The following GPC5 variants were observed in gnomAD, a reference collection of about 807,000 sequenced individuals.
GPC5 encodes the protein glypican 5.
Under a neutral mutation model 53.9 loss-of-function variants are expected in GPC5, and 47 were observed. The observed-to-expected ratio is 0.87, with a 90% confidence interval of 0.69 to 1.11. GPC5 has a LOEUF of 1.11. GPC5 is among the 50% of genes most tolerant of loss of function. The probability of loss-of-function intolerance (pLI) is 0.00; values close to 1 mark genes in which losing one functional copy is unlikely to be tolerated. For missense variants in GPC5, 748 were observed against 713.1 expected, an observed-to-expected ratio of 1.05 and a Z score of -0.56; for synonymous variants, 286 against 263.3, an observed-to-expected ratio of 1.09 and a Z score of -0.84.
rs112153969 is a variant in GPC5 at position 91,621,603 on chromosome 13, T to C, written c.326-71584T>C. 8.2e-3 allele frequency among the ~76,000 whole-genome samples: 1,251 copies of C among 151,950 alleles called. 13 individuals are homozygous for C. The highest frequency in any genetic ancestry group is 0.027 in the African/African-American group (1,130 of 41,382). ...TTGGTAAGGGAGTGCCTACCTAAGA[T>C]GGAGTCAACCAAAAAGAGAGTAAAA... On this transcript the variant is annotated intron_variant, in intron 2 of 7. Coordinates refer to ENST00000377067, the MANE Select transcript of GPC5 (RefSeq NM_004466.6).
chr13:92,334,269 G>A (rs1330162154), intron 7 of GPC5, among the ~76,000 whole-genome samples: 1 of 152,166 alleles, frequency 6.6e-6, no homozygotes, highest in Non-Finnish European at 1.5e-5. Context: ...CATGGCAGCA[G>A]GCAAGAGAGC....
chr13:91,412,688 A>C (rs1464435602), intron 1 of GPC5, among the ~76,000 whole-genome samples: 6 of 152,246 alleles, frequency 3.9e-5, no homozygotes, highest in Non-Finnish European at 7.3e-5. Context: ...GATTAGAAAT[A>C]CAAATATCTA....
At chr13:91,937,412 C>T (rs930273984) in intron 6 of GPC5, among the ~76,000 whole-genome samples, 10 of 152,010 alleles carry the variant, frequency 6.6e-5, no homozygotes, top group Middle Eastern at 3.4e-3. Flanking sequence ...TACAGAAGAG[C>T]GAGTTGGAGG....
At chr13:92,113,285 T>C (rs963192946) in intron 6 of GPC5, among the ~76,000 whole-genome samples, 5 of 152,168 alleles carry the variant, frequency 3.3e-5, no homozygotes, top group African/African-American at 1.2e-4. Flanking sequence ...TTATCTACCA[T>C]CAAGGTTTGC....
At position 92,824,742 on chromosome 13, in the gene GPC5, C is replaced by G. The variant is rs564790452; in HGVS notation, c.1562-41540C>G. On this transcript the variant is annotated intron_variant, in intron 7 of 7. Transcript: ENST00000377067. The stretch of plus-strand genomic sequence containing the variant: ...ATGCCTTTTGAAAAAAAAAACTTCT[C>G]ATCTTACAGCATAATATGTATATAC... 6.6e-5 allele frequency among the ~76,000 whole-genome samples: 10 copies of G among 150,878 alleles called. No individual in the cohort carries two copies. In the South Asian group the frequency reaches 2.1e-3, roughly 31 times the overall value.
intron 6 of GPC5, among the ~76,000 whole-genome samples, chr13:91,967,232 A>T (rs1045031392): frequency 6.6e-6 from 1 of 152,130 alleles, no homozygotes; most frequent in Admixed American, 6.5e-5. Context: ...TGAGAACAGT[A>T]AAGAGAAAAC....
chr13:91,491,824 T>C (rs1280514632), intron 2 of GPC5, among the ~76,000 whole-genome samples: 1 of 152,186 alleles, frequency 6.6e-6, no homozygotes, highest in East Asian at 1.9e-4. Flanking sequence ...ACCTTGGTAA[T>C]CCAGGATGTT....
intron 2 of GPC5, among the ~76,000 whole-genome samples, chr13:91,520,686 G>A (rs1468653610): frequency 6.6e-6 from 1 of 151,558 alleles, no homozygotes; most frequent in Non-Finnish European, 1.5e-5. Context: ...GTATATATAT[G>A]TGTGTATATA....
At chr13:92,329,712 T>C (rs556127214) in intron 7 of GPC5, among the ~76,000 whole-genome samples, 1 of 152,238 alleles carries the variant, frequency 6.6e-6, no homozygotes, top group African/African-American at 2.4e-5. Context: ...TTTGAGGAGT[T>C]TATTTAAATA....
intron 5 of GPC5, among the ~76,000 whole-genome samples, chr13:91,904,858 A>C (rs561929693): frequency 6.6e-6 from 1 of 152,170 alleles, no homozygotes; most frequent in South Asian, 2.1e-4. Context: ...AGGAAGGGTA[A>C]GAAAAGTCTT....
intron 5 of GPC5, among the ~76,000 whole-genome samples, chr13:91,781,686 A>T (rs974413182): frequency 6.6e-6 from 1 of 152,206 alleles, no homozygotes; most frequent in Non-Finnish European, 1.5e-5. Flanking sequence ...CATTTTGTGT[A>T]TGAGAAAACT....
chr13:92,356,502 C>G (rs9516065), intron 7 of GPC5, among the ~76,000 whole-genome samples: 17,746 of 152,086 alleles, frequency 0.12, 1,136 homozygotes, highest in Middle Eastern at 0.2. Context: ...AGACCAGACC[C>G]CTTACTTGGA....
chr13:91,432,550 T>C (rs545583511), intron 1 of GPC5, among the ~76,000 whole-genome samples: 1 of 152,332 alleles, frequency 6.6e-6, no homozygotes, highest in East Asian at 1.9e-4. Flanking sequence ...CTCTTCTATC[T>C]GTGAATATTA....
chr13:91,582,410 A>G (rs1389961209), intron 2 of GPC5, among the ~76,000 whole-genome samples: 1 of 152,196 alleles, frequency 6.6e-6, no homozygotes, highest in Admixed American at 6.5e-5. Context: ...GTAGTCAAAC[A>G]AACAAACAAC....
At chr13:92,237,204 G>C (rs2042576799) in intron 7 of GPC5, among the ~76,000 whole-genome samples, 1 of 151,980 alleles carries the variant, frequency 6.6e-6, no homozygotes, top group Non-Finnish European at 1.5e-5. Context: ...AAAAATAAAA[G>C]GTCTTGTGTT....
At chr13:91,466,663 G>A (rs1002057388) in intron 2 of GPC5, among the ~76,000 whole-genome samples, 2 of 152,014 alleles carry the variant, frequency 1.3e-5, no homozygotes, top group Admixed American at 6.6e-5. Context: ...GAGAGCAGAG[G>A]AGAAAGATTC....
chr13:92,108,066 T>A (rs1367717510), intron 6 of GPC5, among the ~76,000 whole-genome samples: 1 of 152,190 alleles, frequency 6.6e-6, no homozygotes, highest in Non-Finnish European at 1.5e-5. Flanking sequence ...GCATCTGACC[T>A]GTGTATTCCA....
At position 91,431,950 on chromosome 13, in the gene GPC5, G is replaced by C. The variant is rs1466593091; in HGVS notation, c.164-16811G>C. Among the ~76,000 whole-genome samples, 8 of 152,292 alleles carry C rather than the reference G, an allele frequency of 5.3e-5. No homozygotes were observed. In the East Asian group the frequency reaches 1.5e-3, roughly 29 times the overall value. Reference sequence around the variant, plus strand: ...CAAATCGATCCTTGAAAAGCAAGAGGTAATGCTTAATTTCATGTGCCAGAT... The same window carrying C: ...CAAATCGATCCTTGAAAAGCAAGAGCTAATGCTTAATTTCATGTGCCAGAT... On this transcript the variant is annotated intron_variant, in intron 1 of 7. Coordinates refer to ENST00000377067, the MANE Select transcript of GPC5 (RefSeq NM_004466.6).
intron 7 of GPC5, among the ~76,000 whole-genome samples, chr13:92,450,220 C>G (rs188370639): frequency 4.6e-5 from 7 of 152,240 alleles, no homozygotes; most frequent in African/African-American, 1.4e-4. Context: ...GCAACACACA[C>G]AGACCTGAAG....
Sources: allele counts gnomAD v4.1 joint callset (sites outside exome capture counted in the v4.1 genomes callset), GRCh38; gene constraint gnomAD v4.1.1; transcripts MANE v1.5; gene names NCBI Gene and HGNC (gene_info 2026-07-23, HGNC 2026-07-21).